Variants in UGGT1 observed in about 807,000 individuals in gnomAD.
UGGT1 encodes the protein UDP-glucose glycoprotein glucosyltransferase 1.
A neutral mutation model predicts 203.9 loss-of-function variants in UGGT1; 107 were observed. The observed-to-expected ratio is 0.52, with a 90% CI of 0.45 to 0.62. The LOEUF (loss-of-function observed/expected upper bound fraction) is 0.62, where lower values mean the gene tolerates loss of function less well. Ranked by LOEUF, UGGT1 falls within the 20% of genes least tolerant of loss-of-function variation. The probability of loss-of-function intolerance (pLI) is 0.00; values close to 1 mark genes in which losing one functional copy is unlikely to be tolerated. For missense variants in UGGT1, 1,673 were observed against 1,867.2 expected (o/e 0.90, Z 1.92); for synonymous variants, 628 against 653.5 (o/e 0.96, Z 0.59).
intron 15 of UGGT1, among the ~76,000 whole-genome samples, chr2:128,137,420 C>T (rs1020626949): frequency 1.3e-5 from 2 of 152,234 alleles, no homozygotes; most frequent in Non-Finnish European, 2.9e-5. Flanking sequence ...TGTTGAAAAA[C>T]AAACAAGAAG....
At position 128,113,085 on chromosome 2, in the gene UGGT1, C is replaced by T. The variant is rs928402338; in HGVS notation, c.523C>T (p.Pro175Ser). ...EALLLTASER[P>S]KPLLFKGDHR... ...TGAGCTTTTATTATTTATTTTCAGA[C>T]CCAAACCTTTATTGTTCAAAGGAGA... is the stretch of plus-strand genomic sequence containing the variant. The change falls in exon 6 of 41, where the codon CCC becomes TCC. Residue 175 changes from proline (P) to serine (S), a missense_variant and splice_region_variant. Pro to Ser is a moderately conservative substitution (Grantham distance 74, BLOSUM62 -1). Coordinates refer to ENST00000259253, the MANE Select transcript of UGGT1 (RefSeq NM_020120.4). 19 of 1,482,560 alleles carry T rather than the reference C, an allele frequency of 1.3e-5. No homozygotes were observed. The East Asian group carries it at 2.7e-4, about 21-fold the overall frequency. The allele number at this position is 1,482,560 out of a possible 1,614,324, so 91.8% of individuals were successfully genotyped here.
At chr2:128,117,921 C>T (rs1226098599) in intron 8 of UGGT1, among the ~76,000 whole-genome samples, 1 of 151,300 alleles carries the variant, frequency 6.6e-6, no homozygotes, top group Non-Finnish European at 1.5e-5. Flanking sequence ...GTTTAGAGCC[C>T]TGAATTCTGC....
intron 12 of UGGT1, among the ~76,000 whole-genome samples, chr2:128,128,400 C>T (rs1688710127): frequency 6.6e-6 from 1 of 151,804 alleles, no homozygotes; most frequent in Non-Finnish European, 1.5e-5. Context: ...CAACCTCTGC[C>T]TCCCGGGTTC....
At chr2:128,160,353 A>G in intron 23 of UGGT1, 107 bp from the exon 24 acceptor site, 1 of 1,211,518 alleles carries the variant, frequency 8.3e-7, no homozygotes, top group Non-Finnish European at 1.1e-6. Flanking sequence ...AAAATTAGTT[A>G]TTACTTTCCA....
intron 18 of UGGT1, among the ~76,000 whole-genome samples, chr2:128,151,948 C>G (rs868480230): frequency 5.3e-5 from 8 of 152,312 alleles, no homozygotes; most frequent in Middle Eastern, 3.4e-3. Context: ...TAAATCTGCA[C>G]ATTTGCACAG....
intron 40 of UGGT1, among the ~76,000 whole-genome samples, chr2:128,188,313 G>C (rs1479401434): frequency 6.6e-6 from 1 of 152,114 alleles, no homozygotes; most frequent in Admixed American, 6.6e-5. Context: ...CAAAGTGCTA[G>C]GATTACAGAC....
At chr2:128,185,124 C>T (rs557665619) in intron 38 of UGGT1, among the ~76,000 whole-genome samples, 3 of 150,902 alleles carry the variant, frequency 2.0e-5, no homozygotes, top group South Asian at 4.2e-4. Flanking sequence ...GTGTGTCAGG[C>T]GTTGTTTTTG....
At chr2:128,185,544 G>A (rs1181376276) in intron 38 of UGGT1, among the ~76,000 whole-genome samples, 1 of 147,828 alleles carries the variant, frequency 6.8e-6, no homozygotes, top group Non-Finnish European at 1.5e-5. Context: ...TGCGATCATG[G>A]CTCACTGCAG....
rs976503530 is a variant in UGGT1 at position 128,192,616 on chromosome 2, C to G, written c.*2874C>G. 1.3e-5 allele frequency: 2 copies of G among 152,156 alleles called. No individual in the cohort carries two copies. Among genetic ancestry groups the G allele is most frequent in the African/African-American group, 4.8e-5 (2 of 41,434 alleles). The allele number at this position is 152,156 out of a possible 1,614,324, so 9.4% of individuals were successfully genotyped here. On this transcript the variant is annotated 3_prime_UTR_variant, in exon 41 of 41. Coordinates refer to ENST00000259253, the MANE Select transcript of UGGT1 (RefSeq NM_020120.4). ...AGCATCCTGAGCCTGTTTTTATGTT[C>G]TGTGTACAGTGGCATTTGATTGAGA...
At chr2:128,184,205 T>A (rs1370276230) in intron 38 of UGGT1, among the ~76,000 whole-genome samples, 1 of 152,174 alleles carries the variant, frequency 6.6e-6, no homozygotes, top group Non-Finnish European at 1.5e-5. Flanking sequence ...AGCTTCCCCT[T>A]TTTCTATGTC....
intron 25 of UGGT1, among the ~76,000 whole-genome samples, chr2:128,162,041 T>C (rs1343436256): frequency 2.0e-5 from 3 of 152,148 alleles, no homozygotes; most frequent in African/African-American, 7.2e-5. Flanking sequence ...GTTTTTTGTT[T>C]GTTTGTTTGC....
intron 10 of UGGT1, among the ~76,000 whole-genome samples, 157 bp downstream of exon 10, chr2:128,121,455 G>C (rs999912967): frequency 3.0e-5 from 4 of 134,616 alleles, no homozygotes; most frequent in Admixed American, 2.7e-4. Context: ...GCCGAGGCTA[G>C]AGTGCAGTGG....
chr2:128,126,887 T>C (rs1168214102), intron 11 of UGGT1, among the ~76,000 whole-genome samples: 2 of 152,032 alleles, frequency 1.3e-5, no homozygotes, highest in East Asian at 3.9e-4. Flanking sequence ...TTTGCCACGT[T>C]GTCCAGGCTG....
Position 128,187,388 on chromosome 2 carries a change from G to A in UGGT1, c.4477-61G>A. ...TAGGACTTGTAACCCAAGAACCTTT[G>A]AATTCTCTATCATGTGGCCTTTCTT... On this transcript the variant is annotated intron_variant, in intron 39 of 40. Transcript: ENST00000259253. 3 of 1,555,898 alleles carry A rather than the reference G, an allele frequency of 1.9e-6. No individual in the cohort carries two copies. The South Asian group carries it at 3.6e-5, about 19-fold the overall frequency.
intron 19 of UGGT1, 55 bp from the exon 20 acceptor site, chr2:128,155,434 A>G (rs1322369333): frequency 7.6e-7 from 1 of 1,311,762 alleles, no homozygotes; most frequent in Admixed American, 1.8e-5. Context: ...TCAGTTGAAT[A>G]TTAAGAATAG....
rs556735728 is a variant in UGGT1 at position 128,172,895 on chromosome 2, G to T, written c.3294+133G>T. ...TTTAAACAACAGCTTTATTCACATG[G>T]AACTCATATACCATAAAATTCTCCC... On this transcript the variant is annotated intron_variant, in intron 29 of 40. Coordinates refer to ENST00000259253, the MANE Select transcript of UGGT1 (RefSeq NM_020120.4). 3 of 812,590 alleles carry T rather than the reference G, an allele frequency of 3.7e-6. No homozygotes were observed. The African/African-American group carries it at 5.2e-5, about 14-fold the overall frequency. 50.3% of individuals were successfully genotyped at this position (812,590 alleles called of 1,614,324 possible). A position where few individuals can be genotyped will look rare whatever the true frequency, so the allele number is the denominator to read the frequency against.
chr2:128,125,796 T>C (rs975852466), intron 11 of UGGT1, among the ~76,000 whole-genome samples: 5 of 152,126 alleles, frequency 3.3e-5, no homozygotes, highest in Non-Finnish European at 5.9e-5. Flanking sequence ...TTATTTACTT[T>C]TTAGTTTCCA....
rs1382178259 is a variant in UGGT1 at position 128,104,014 on chromosome 2, G to A, written c.277G>A (p.Gly93Ser). The A allele has an allele frequency of 5.2e-6, 8 of 1,550,440 alleles. No homozygotes were observed. The highest frequency in any genetic ancestry group is 6.9e-6 in the Non-Finnish European group (8 of 1,156,248). ...AAATATTGGATCATCAGATCATGAC[G>A]GTAAAATTGAAGCAAATGCTTCTTT... is the stretch of plus-strand genomic sequence containing the variant. ...SQNIGSSDHD[G>S]TDYSYYHAIL... The change falls in exon 3 of 41, where the codon GGT (glycine) becomes AGT (serine). Residue 93 changes from glycine (G) to serine (S), a missense_variant and splice_region_variant. Around this residue, in one of 4 missense-constraint regions of UGGT1, gnomAD observed 1,073 missense variants for 1,078.7 expected, o/e 0.99. Coordinates refer to ENST00000259253, the MANE Select transcript of UGGT1 (RefSeq NM_020120.4).
At chr2:128,155,358 A>G (rs1034229216) in intron 19 of UGGT1, 131 bp from the exon 20 acceptor site, 30 of 665,092 alleles carry the variant, frequency 4.5e-5, no homozygotes, top group Middle Eastern at 4.1e-4. Flanking sequence ...TGTTCAGTAA[A>G]CATGGAACTT....
Sources: gnomAD v4.1 joint callset for allele counts (sites outside exome capture counted in the v4.1 genomes callset) on GRCh38, gnomAD v4.1.1 for gene constraint, gnomAD v4.1.1 regional missense constraint, MANE v1.5 for transcripts, NCBI Gene and HGNC (gene_info 2026-07-23, HGNC 2026-07-21) for gene names.